Variants in KCNQ3 observed in about 807,000 individuals in gnomAD.
KCNQ3 encodes the protein potassium voltage-gated channel subfamily Q member 3, also known as potassium voltage-gated channel subfamily KQT member 3.
A neutral mutation model predicts 92.5 loss-of-function variants in KCNQ3; 30 were observed. The observed-to-expected ratio is 0.32, with a 90% CI of 0.24 to 0.44. The LOEUF is 0.44. KCNQ3 is among the 20% of genes least tolerant of loss of function. KCNQ3 has a pLI of 1.00. For missense variants in KCNQ3, 913 were observed against 1,140.3 expected (o/e 0.80, Z 2.87); for synonymous variants, 450 against 468.8 (o/e 0.96, Z 0.52).
chr8:132,408,164 T>TA (rs1300914135), intron 1 of KCNQ3, among the ~76,000 whole-genome samples: 2 of 152,170 alleles, frequency 1.3e-5, no homozygotes, highest in Non-Finnish European at 2.9e-5. Flanking sequence ...ATCGTTTTTT[T>TA]AAAAAAATCA....
intron 1 of KCNQ3, among the ~76,000 whole-genome samples, chr8:132,303,597 ATATGGTGTG>A (rs1408060587): frequency 8.9e-4 from 38 of 42,716 alleles, no homozygotes; most frequent in East Asian, 3.4e-3. Flanking sequence ...GTGTATATAT[ATATGGTGTG>A]TATATATATA....
chr8:132,414,436 G>C (rs1246357860), intron 1 of KCNQ3, among the ~76,000 whole-genome samples: 1 of 152,198 alleles, frequency 6.6e-6, no homozygotes, highest in Admixed American at 6.5e-5. Context: ...CGGAGCCCTC[G>C]CCAGCCCAAG....
chr8:132,210,465 T>A (rs1813814093), intron 1 of KCNQ3, among the ~76,000 whole-genome samples: 1 of 152,224 alleles, frequency 6.6e-6, no homozygotes, highest in South Asian at 2.1e-4. Context: ...GATAGCTATA[T>A]ACTTGCTATT....
At chr8:132,326,458 C>T (rs935601450) in intron 1 of KCNQ3, among the ~76,000 whole-genome samples, 20 of 152,216 alleles carry the variant, frequency 1.3e-4, no homozygotes, top group Admixed American at 1.3e-3. Flanking sequence ...TTAATACTCA[C>T]TCCCTCATCC....
intron 1 of KCNQ3, among the ~76,000 whole-genome samples, chr8:132,247,712 C>T (rs993845253): frequency 8.6e-5 from 13 of 151,738 alleles, no homozygotes; most frequent in Admixed American, 5.3e-4. Context: ...GCAGGAGAAT[C>T]GCTTGAACCC....
At chr8:132,173,323 C>A (rs1826444214) in intron 6 of KCNQ3, among the ~76,000 whole-genome samples, 1 of 151,884 alleles carries the variant, frequency 6.6e-6, no homozygotes, top group South Asian at 2.1e-4. Flanking sequence ...TTAAGAAGGT[C>A]ATTTGCTCAA....
intron 1 of KCNQ3, among the ~76,000 whole-genome samples, chr8:132,244,822 A>G (rs1815109797): frequency 6.6e-6 from 1 of 151,040 alleles, no homozygotes; most frequent in South Asian, 2.1e-4. Flanking sequence ...ATAATTATTT[A>G]CTGGCAGCTC....
rs556771860 is a variant in KCNQ3 at position 132,371,542 on chromosome 8, T to A, written c.386+108605A>T. Among the ~76,000 whole-genome samples, 7 of 152,320 alleles carry A rather than the reference T, an allele frequency of 4.6e-5. No individual in the cohort carries two copies. The East Asian group carries it at 1.4e-3, about 29-fold the overall frequency. On this transcript the variant is annotated intron_variant, in intron 1 of 14. Coordinates refer to ENST00000388996, the MANE Select transcript of KCNQ3 (RefSeq NM_004519.4). ...CAAGTAAATAAATACAACCTATGGCTACCTTCAATATGCTGGTCCCCACAG... is the reference window on the plus strand; with the variant it reads ...CAAGTAAATAAATACAACCTATGGCAACCTTCAATATGCTGGTCCCCACAG...
At chr8:132,425,922 TG>T (rs763721247) in intron 1 of KCNQ3, among the ~76,000 whole-genome samples, 3 of 152,268 alleles carry the variant, frequency 2.0e-5, no homozygotes, top group Non-Finnish European at 2.9e-5. Context: ...TAGAATATTT[TG>T]GTTCTCCCAA....
chr8:132,447,235 G>T (rs1437255634), intron 1 of KCNQ3: 4 of 1,535,510 alleles, frequency 2.6e-6, no homozygotes, highest in Non-Finnish European at 3.5e-6. Flanking sequence ...ATAAGGTAAT[G>T]AATGCAAGAA....
chr8:132,337,458 C>T lies in KCNQ3; in HGVS notation c.386+142689G>A, dbSNP rs142326544. Among the ~76,000 whole-genome samples the T allele has an allele frequency of 7.2e-4, 110 of 152,082 alleles. 1 individual carries two copies. Among genetic ancestry groups the T allele is most frequent in the African/African-American group, 2.6e-3 (107 of 41,466 alleles). On this transcript the variant is annotated intron_variant, in intron 1 of 14. Coordinates refer to ENST00000388996, the MANE Select transcript of KCNQ3 (RefSeq NM_004519.4). ...GGTTGCAATAAGCCATGATTGTGAT[C>T]GTATCACTGTACTCCAGCCTGGGCG...
Position 132,364,670 on chromosome 8 carries a change from TGGAC to T in KCNQ3, c.386+115473_386+115476del, listed in dbSNP as rs142558838. On this transcript the variant is annotated intron_variant, in intron 1 of 14. Transcript: ENST00000388996. ...TTAACAAATGGGTTTAGTAAATGGA[TGGAC>T]GGACGGACGGACGGACGGACGGATG... Among the ~76,000 whole-genome samples the T allele has an allele frequency of 1.6e-3, 244 of 149,192 alleles. 1 individual carries two copies. Among genetic ancestry groups the T allele is most frequent in the East Asian group, 5.3e-3 (27 of 5,074 alleles).
chr8:132,355,845 G>T (rs545657580), intron 1 of KCNQ3, among the ~76,000 whole-genome samples: 7 of 152,204 alleles, frequency 4.6e-5, no homozygotes, highest in Non-Finnish European at 7.3e-5. Flanking sequence ...ACCTACCAGA[G>T]TCCCTCAACT....
At chr8:132,466,472 C>T (rs1822174679) in intron 1 of KCNQ3, among the ~76,000 whole-genome samples, 1 of 152,164 alleles carries the variant, frequency 6.6e-6, no homozygotes, top group African/African-American at 2.4e-5. Flanking sequence ...TCTCTGCCCC[C>T]AGGAGCACCG....
In KCNQ3 at chr8:132,256,151, A is replaced by C. The variant is rs142462323; in HGVS notation, c.387-69970T>G. Reference sequence around the variant, plus strand: ...GAAAATATGAAAACAATGTCATACCAAATAGGTTATATTGACAAAGACAGA... The same window carrying C: ...GAAAATATGAAAACAATGTCATACCCAATAGGTTATATTGACAAAGACAGA... On this transcript the variant is annotated intron_variant, in intron 1 of 14. Transcript: ENST00000388996. Among the ~76,000 whole-genome samples the C allele has an allele frequency of 3.4e-3, 517 of 152,260 alleles. 2 individuals are homozygous for C. Among genetic ancestry groups the C allele is most frequent in the African/African-American group, 0.011 (475 of 41,566 alleles).
At chr8:132,459,418 A>C (rs1822012841) in intron 1 of KCNQ3, among the ~76,000 whole-genome samples, 1 of 152,172 alleles carries the variant, frequency 6.6e-6, no homozygotes, top group Admixed American at 6.5e-5. Context: ...TAGAAAGGCA[A>C]GGGGAGCTGG....
chr8:132,224,126 G>A (rs76493300), intron 1 of KCNQ3, among the ~76,000 whole-genome samples: 4,027 of 122,236 alleles, frequency 0.033, 93 homozygotes, highest in Middle Eastern at 0.074. Context: ...GGAGAGACAG[G>A]GTGTTGCTAT....
intron 1 of KCNQ3, among the ~76,000 whole-genome samples, chr8:132,260,167 T>C (rs958215539): frequency 2.0e-5 from 3 of 152,182 alleles, no homozygotes; most frequent in Admixed American, 6.5e-5. Context: ...ATTCGATTTG[T>C]ATTCTCAGTT....
At chr8:132,376,568 G>A (rs1039940680) in intron 1 of KCNQ3, among the ~76,000 whole-genome samples, 4 of 152,182 alleles carry the variant, frequency 2.6e-5, no homozygotes, top group South Asian at 2.1e-4. Context: ...AGCCTCAAGC[G>A]ATTTGAGCTA....
Sources: gnomAD v4.1 joint callset for allele counts (sites outside exome capture counted in the v4.1 genomes callset) on GRCh38, gnomAD v4.1.1 for gene constraint, MANE v1.5 for transcripts, NCBI Gene and HGNC (gene_info 2026-07-23, HGNC 2026-07-21) for gene names.